Variants in SPON1 observed in about 807,000 individuals in gnomAD.
SPON1 encodes the protein spondin 1.
SPON1 carries 52 observed loss-of-function variants against 111.7 expected under a neutral mutation model. The observed-to-expected ratio is 0.47, with a 90% CI of 0.37 to 0.59. The LOEUF is 0.59. Among genes scored for constraint, SPON1 ranks in the 20% least tolerant of loss-of-function variants. The pLI, the probability that SPON1 is intolerant of heterozygous loss-of-function variation, is 0.00. For synonymous variants in SPON1, 410 were observed against 395.8 expected (o/e 1.04, Z -0.43); for missense variants, 957 against 1,068.5 (o/e 0.90, Z 1.46).
At chr11:14,187,344 G>A (rs775856082) in intron 6 of SPON1, among the ~76,000 whole-genome samples, 16 of 152,094 alleles carry the variant, frequency 1.1e-4, no homozygotes, top group Non-Finnish European at 2.2e-4. Context: ...CCATATCAGG[G>A]TGAGATTTGA....
At chr11:14,227,917 G>A (rs1848758195) in intron 6 of SPON1, among the ~76,000 whole-genome samples, 1 of 152,170 alleles carries the variant, frequency 6.6e-6, no homozygotes, top group Non-Finnish European at 1.5e-5. Context: ...ACCCAAGGTT[G>A]AGTTATAAGG....
intron 7 of SPON1, among the ~76,000 whole-genome samples, chr11:14,252,129 C>T (rs1210717787): frequency 6.6e-6 from 1 of 152,214 alleles, no homozygotes; most frequent in African/African-American, 2.4e-5. Context: ...TTTGTTCAGT[C>T]GGCCCACTGG....
intron 6 of SPON1, among the ~76,000 whole-genome samples, chr11:14,235,453 C>CA (rs1554939114): frequency 6.6e-6 from 1 of 151,966 alleles, no homozygotes; most frequent in East Asian, 1.9e-4. Flanking sequence ...CTGAGGCAAG[C>CA]AGATGGCTTG....
intron 2 of SPON1, among the ~76,000 whole-genome samples, chr11:14,008,833 G>GA (rs1848383417): frequency 6.6e-6 from 1 of 151,986 alleles, no homozygotes; most frequent in Non-Finnish European, 1.5e-5. Flanking sequence ...CTTCCTTCAG[G>GA]AATTTTCCTT....
At chr11:14,168,524 T>G (rs1848058475) in intron 6 of SPON1, among the ~76,000 whole-genome samples, 1 of 152,184 alleles carries the variant, frequency 6.6e-6, no homozygotes, top group South Asian at 2.1e-4. Flanking sequence ...TTATTATACT[T>G]TAAGTTTTAG....
At position 14,265,606 on chromosome 11, in the gene SPON1, AAAG is replaced by A. The variant is rs1554942406; in HGVS notation, c.2348_2350del (p.Lys783del). On this transcript the variant is annotated inframe_deletion, in exon 16 of 16. Coordinates refer to ENST00000576479, the MANE Select transcript of SPON1 (RefSeq NM_006108.4). Reference sequence around the variant, plus strand: ...GAATTCAGGAACGTTACATGACTGTAAAGAAGAGATTCAAAAGCTCCCAGTTTA... The same window carrying A: ...GAATTCAGGAACGTTACATGACTGTAAAGAGATTCAAAAGCTCCCAGTTTA... The A allele has an allele frequency of 2.0e-5, 33 of 1,613,656 alleles. No homozygotes were observed. Among genetic ancestry groups the A allele is most frequent in the Non-Finnish European group, 2.8e-5 (33 of 1,179,818 alleles).
chr11:14,064,412 G>A (rs540601690), intron 3 of SPON1, among the ~76,000 whole-genome samples: 40 of 152,336 alleles, frequency 2.6e-4, no homozygotes, highest in Non-Finnish European at 3.7e-4. Context: ...GGTGACAGAT[G>A]ATTGGGATCT....
At chr11:13,976,075 A>G (rs532633742) in intron 1 of SPON1, among the ~76,000 whole-genome samples, 1 of 152,310 alleles carries the variant, frequency 6.6e-6, no homozygotes, top group South Asian at 2.1e-4. Flanking sequence ...AGGCGATATC[A>G]TCAACCTCTT....
chr11:14,020,763 G>A (rs2133803521), intron 2 of SPON1, among the ~76,000 whole-genome samples: 1 of 152,286 alleles, frequency 6.6e-6, no homozygotes, highest in South Asian at 2.1e-4. Context: ...AAGAACTGAA[G>A]TTCTGGAGTC....
At chr11:14,168,799 G>A in intron 6 of SPON1, among the ~76,000 whole-genome samples, 1 of 152,132 alleles carries the variant, frequency 6.6e-6, no homozygotes, top group East Asian at 1.9e-4. Context: ...ATGGTTTCCA[G>A]CTTCATCCAC....
In SPON1 at chr11:14,187,527, G is replaced by A. The variant is rs368168514; in HGVS notation, c.825+51959G>A. On this transcript the variant is annotated intron_variant, in intron 6 of 15. Transcript: ENST00000576479. ...CCCTGCCTCATATTGCCATCCTGCC[G>A]CAAATCCTTGGGTAGCAAGGACATG... Among the ~76,000 whole-genome samples the A allele has an allele frequency of 2.6e-4, 39 of 152,208 alleles. No individual in the cohort carries two copies. In the South Asian group the frequency reaches 6.6e-3, roughly 26 times the overall value.
In SPON1 at chr11:14,225,596, G is replaced by A. The variant is rs138213659; in HGVS notation, c.826-17736G>A. Among the ~76,000 whole-genome samples, 22 of 152,232 alleles carry A rather than the reference G, an allele frequency of 1.4e-4. No individual in the cohort carries two copies. In the East Asian group the frequency reaches 2.3e-3, roughly 16 times the overall value. On this transcript the variant is annotated intron_variant, in intron 6 of 15. Coordinates refer to ENST00000576479, the MANE Select transcript of SPON1 (RefSeq NM_006108.4). ...GTCTTGAGTTTGAAAAATAATCGTC[G>A]TTTTTATTGTTACAGCTTCAGGCAT...
rs1000778014 is a variant in SPON1, at chr11:13,996,999, A to G, written c.345+14046A>G. On this transcript the variant is annotated intron_variant, in intron 2 of 15. Coordinates refer to ENST00000576479, the MANE Select transcript of SPON1 (RefSeq NM_006108.4). The stretch of plus-strand genomic sequence containing the variant: ...AACACTGCAGTGAACACCGTAACAC[A>G]TAAATCTTTGCACCTGTATTTGCTT... 7.2e-5 allele frequency among the ~76,000 whole-genome samples: 11 copies of G among 152,224 alleles called. No individual in the cohort carries two copies. In the South Asian group the frequency reaches 2.1e-3, roughly 29 times the overall value.
intron 6 of SPON1, among the ~76,000 whole-genome samples, chr11:14,161,299 A>ATATATC (rs1847960318): frequency 2.3e-5 from 2 of 87,378 alleles, no homozygotes; most frequent in African/African-American, 7.9e-5. Flanking sequence ...ATATATTTAT[A>ATATATC]TATATATTTT....
rs1554934797 is a variant in SPON1, at chr11:14,193,743, T to C, written c.826-49589T>C. 2.0e-5 allele frequency among the ~76,000 whole-genome samples: 3 copies of C among 152,114 alleles called. No individual in the cohort carries two copies. The East Asian group carries it at 5.8e-4, about 29-fold the overall frequency. On this transcript the variant is annotated intron_variant, in intron 6 of 15. Coordinates refer to ENST00000576479, the MANE Select transcript of SPON1 (RefSeq NM_006108.4). ...CCCTGAGGCAGTGCTAGCTGGGGAA[T>C]CCAGTCAGCTAACACATGCCTCTCA...
intron 6 of SPON1, among the ~76,000 whole-genome samples, chr11:14,215,693 G>T (rs1848618989): frequency 6.6e-6 from 1 of 152,214 alleles, no homozygotes; most frequent in South Asian, 2.1e-4. Context: ...AGTTATCTTT[G>T]GGTCACATGT....
chr11:14,223,805 G>A (rs1173337306), intron 6 of SPON1, among the ~76,000 whole-genome samples: 1 of 152,156 alleles, frequency 6.6e-6, no homozygotes, highest in African/African-American at 2.4e-5. Flanking sequence ...CCTGCCACTG[G>A]GTCTTATCTG....
chr11:14,114,226 G>A (rs781987592), intron 5 of SPON1, among the ~76,000 whole-genome samples: 2 of 152,062 alleles, frequency 1.3e-5, no homozygotes, highest in Non-Finnish European at 2.9e-5. Context: ...CCCAGCCTCT[G>A]GTAACCATCC....
At chr11:13,994,502 G>C (rs2133789037) in intron 2 of SPON1, among the ~76,000 whole-genome samples, 1 of 152,216 alleles carries the variant, frequency 6.6e-6, no homozygotes, top group Non-Finnish European at 1.5e-5. Flanking sequence ...CATCATGGAA[G>C]TCATGGCCAC....
Sources: gnomAD v4.1 joint callset for allele counts (sites outside exome capture counted in the v4.1 genomes callset) on GRCh38, gnomAD v4.1.1 for gene constraint, MANE v1.5 for transcripts, NCBI Gene and HGNC (gene_info 2026-07-23, HGNC 2026-07-21) for gene names.